CCDC178: variants seen among roughly 807,000 people sequenced by gnomAD.
CCDC178 encodes the protein coiled-coil domain-containing protein 178.
A neutral mutation model predicts 117.4 loss-of-function variants in CCDC178; 126 were observed. The observed-to-expected ratio is 1.07, with a 90% CI of 0.93 to 1.24. The LOEUF (loss-of-function observed/expected upper bound fraction) is 1.24. Ranked by LOEUF, CCDC178 falls within the 50% of genes most tolerant of loss-of-function variation. CCDC178 has a pLI of 0.00. For missense variants in CCDC178, 1,030 were observed against 986.9 expected, an observed-to-expected ratio of 1.04 and a Z score of -0.59; for synonymous variants, 283 against 313.4, an observed-to-expected ratio of 0.90 and a Z score of 1.02.
At chr18:33,322,869 T>C (rs896706963) in intron 11 of CCDC178, among the ~76,000 whole-genome samples, 28 of 151,342 alleles carry the variant, frequency 1.9e-4, no homozygotes, top group Admixed American at 1.6e-3. Context: ...ATAGTGACTA[T>C]AAATTCTTTT....
chr18:33,159,827 T>C (rs2058442124), intron 20 of CCDC178, among the ~76,000 whole-genome samples: 1 of 152,098 alleles, frequency 6.6e-6, no homozygotes, highest in African/African-American at 2.4e-5. Context: ...AGTATCTATC[T>C]GGAGGTAGAA....
At chr18:33,278,593 CA>C (rs2059982403) in intron 12 of CCDC178, among the ~76,000 whole-genome samples, 1 of 151,894 alleles carries the variant, frequency 6.6e-6, no homozygotes, top group Admixed American at 6.6e-5. Flanking sequence ...CTATCATATA[CA>C]AAACAAACAC....
At chr18:33,185,192 G>T (rs1159617864) in intron 20 of CCDC178, among the ~76,000 whole-genome samples, 1 of 151,958 alleles carries the variant, frequency 6.6e-6, no homozygotes, top group South Asian at 2.1e-4. Context: ...TGCTCATCCT[G>T]CATCACAATT....
intron 12 of CCDC178, among the ~76,000 whole-genome samples, chr18:33,269,054 G>C (rs927687878): frequency 6.6e-5 from 10 of 151,654 alleles, no homozygotes; most frequent in Non-Finnish European, 1.5e-4. Context: ...TCAAAGCCTC[G>C]TTCTCAAAAA....
intron 20 of CCDC178, among the ~76,000 whole-genome samples, chr18:33,191,685 A>C (rs2058860022): frequency 6.6e-6 from 1 of 152,116 alleles, no homozygotes. Flanking sequence ...TTAGTCTTTT[A>C]ATATTTATTG....
chr18:33,074,496 C>T (rs1366829966), intron 21 of CCDC178, among the ~76,000 whole-genome samples: 1 of 152,134 alleles, frequency 6.6e-6, no homozygotes, highest in African/African-American at 2.4e-5. Flanking sequence ...TTTAGGCATC[C>T]ACCTGAAGGG....
At chr18:32,959,664 A>G (rs1037991727) in intron 22 of CCDC178, among the ~76,000 whole-genome samples, 2 of 152,052 alleles carry the variant, frequency 1.3e-5, no homozygotes, top group Admixed American at 1.3e-4. Context: ...TTTTGGATGA[A>G]AAATCATGTG....
At chr18:33,079,203 C>T (rs574963362) in intron 21 of CCDC178, among the ~76,000 whole-genome samples, 73 of 152,268 alleles carry the variant, frequency 4.8e-4, no homozygotes, top group African/African-American at 1.7e-3. Flanking sequence ...ATAAATGGTG[C>T]TGAGATAACT....
intron 20 of CCDC178, among the ~76,000 whole-genome samples, chr18:33,206,782 A>G (rs1053183074): frequency 1.1e-4 from 16 of 152,212 alleles, no homozygotes; most frequent in Non-Finnish European, 2.2e-4. Flanking sequence ...AACAGCTTCT[A>G]TCTAGAACTC....
intron 21 of CCDC178, among the ~76,000 whole-genome samples, chr18:33,091,656 A>G (rs1198639695): frequency 6.6e-6 from 1 of 152,058 alleles, no homozygotes; most frequent in Non-Finnish European, 1.5e-5. Context: ...TAAGAGAAAA[A>G]TGCATTCTTC....
chr18:33,425,476 C>T (rs1818412769), intron 2 of CCDC178, among the ~76,000 whole-genome samples: 1 of 152,162 alleles, frequency 6.6e-6, no homozygotes, highest in African/African-American at 2.4e-5. Context: ...TGCAGTTTGA[C>T]TTTTCCGTGT....
At chr18:33,009,912 T>C (rs2055829094) in intron 21 of CCDC178, among the ~76,000 whole-genome samples, 1 of 152,128 alleles carries the variant, frequency 6.6e-6, no homozygotes, top group Admixed American at 6.5e-5. Flanking sequence ...TTTAGAACCA[T>C]TGACAGAAAT....
chr18:33,349,867 G>A (rs1434916222), intron 7 of CCDC178, among the ~76,000 whole-genome samples: 1 of 151,654 alleles, frequency 6.6e-6, no homozygotes, highest in Admixed American at 6.6e-5. Context: ...TAAAATTAGA[G>A]TCACAATTAT....
chr18:33,175,417 G>A (rs2058653217), intron 20 of CCDC178, among the ~76,000 whole-genome samples: 1 of 151,742 alleles, frequency 6.6e-6, no homozygotes, highest in Admixed American at 6.6e-5. Flanking sequence ...ATGTTGCCCA[G>A]GCTGGTCTCC....
At chr18:32,938,134 T>C in intron 22 of CCDC178, 43 bp from the exon 23 acceptor site, 1 of 1,327,890 alleles carries the variant, frequency 7.5e-7, no homozygotes, top group Non-Finnish European at 1.1e-6. Flanking sequence ...AAGTACTCAT[T>C]AATTAAGAAA....
chr18:32,942,552 T>C (rs529871341), intron 22 of CCDC178, among the ~76,000 whole-genome samples: 94 of 152,288 alleles, frequency 6.2e-4, no homozygotes, highest in Admixed American at 3.7e-3. Flanking sequence ...AAACTAGTCA[T>C]GCTGACTGAC....
At chr18:33,282,561 A>G (rs2060038019) in intron 12 of CCDC178, among the ~76,000 whole-genome samples, 1 of 152,176 alleles carries the variant, frequency 6.6e-6, no homozygotes, top group African/African-American at 2.4e-5. Context: ...TAGCTTCTGC[A>G]TTGGTAAACC....
At chr18:33,359,046 G>A (rs183568200) in intron 6 of CCDC178, among the ~76,000 whole-genome samples, 1 of 151,920 alleles carries the variant, frequency 6.6e-6, no homozygotes, top group Admixed American at 6.6e-5. Context: ...GCATAATGCA[G>A]AAATCCACAT....
intron 20 of CCDC178, among the ~76,000 whole-genome samples, chr18:33,118,927 AG>A (rs1299783655): frequency 5.3e-5 from 8 of 152,208 alleles, no homozygotes; most frequent in Admixed American, 3.3e-4. Context: ...GACAAAAACA[AG>A]AAATGGGGAA....
Sources: gnomAD v4.1 joint callset for allele counts (sites outside exome capture counted in the v4.1 genomes callset) on GRCh38, gnomAD v4.1.1 for gene constraint, MANE v1.5 for transcripts, NCBI Gene and HGNC (gene_info 2026-07-23, HGNC 2026-07-21) for gene names.